The following RBFOX2 variants were observed in gnomAD, a reference collection of about 807,000 sequenced individuals.
RBFOX2 encodes RNA binding protein fox-1 homolog 2.
Under a neutral mutation model 49.1 loss-of-function variants are expected in RBFOX2, and 10 were observed. The ratio of observed to expected loss-of-function variants is 0.20; its 90% CI spans 0.13 to 0.35. The LOEUF is 0.35. RBFOX2 is among the 10% of genes least tolerant of loss of function. The pLI is 1.00. For missense variants in RBFOX2, 323 were observed against 486.9 expected, an observed-to-expected ratio of 0.66 and a Z score of 3.17; for synonymous variants, 183 against 187.4, an observed-to-expected ratio of 0.98 and a Z score of 0.19.
intron 1 of RBFOX2, chr22:35,897,447 T>TA (rs2047991890): frequency 8.3e-6 from 7 of 843,324 alleles, no homozygotes; most frequent in Middle Eastern, 2.3e-4. Context: ...CTCCACTTTA[T>TA]CCCTTGTTGT....
chr22:35,885,681 G>A (rs992321319), intron 1 of RBFOX2, among the ~76,000 whole-genome samples: 4 of 151,660 alleles, frequency 2.6e-5, no homozygotes, highest in Non-Finnish European at 2.9e-5. Context: ...TCGTTTCCCC[G>A]CATAAACAAC....
chr22:36,025,636 T>A (rs2059403351), intron 1 of RBFOX2, among the ~76,000 whole-genome samples: 1 of 152,174 alleles, frequency 6.6e-6, no homozygotes, highest in Non-Finnish European at 1.5e-5. Context: ...TCTTTAAAAA[T>A]GCACGCTTCT....
At chr22:36,017,361 T>C (rs1476456622) in intron 1 of RBFOX2, among the ~76,000 whole-genome samples, 2 of 151,960 alleles carry the variant, frequency 1.3e-5, no homozygotes, top group South Asian at 2.1e-4. Flanking sequence ...ACCCTGTCTC[T>C]ACTAAAAATA....
chr22:35,801,221 A>G (rs1404111797), intron 2 of RBFOX2, among the ~76,000 whole-genome samples: 1 of 152,196 alleles, frequency 6.6e-6, no homozygotes, highest in East Asian at 1.9e-4. Context: ...AAATCTGTAA[A>G]TAACAACGCT....
chr22:35,958,110 G>A (rs1270527498), intron 1 of RBFOX2, among the ~76,000 whole-genome samples: 1 of 151,996 alleles, frequency 6.6e-6, no homozygotes, highest in Non-Finnish European at 1.5e-5. Context: ...CCCAAAAAAA[G>A]TCATTATAGA....
rs573764550 is a variant in RBFOX2, at chr22:35,901,236, A to G, written c.-34+37611T>C. Among the ~76,000 whole-genome samples the G allele has an allele frequency of 9.2e-5, 14 of 152,340 alleles. No homozygotes were observed. In the East Asian group the frequency reaches 2.7e-3, roughly 29 times the overall value. ...TTTTTAAGACTCCAAGATCATTTCC[A>G]CTAAATCATACCTATTCACTGACAA... is the stretch of plus-strand genomic sequence containing the variant. On this transcript the variant is annotated intron_variant, in intron 1 of 13. Transcript: ENST00000359369.
chr22:35,859,977 CT>C (rs1214225918), intron 1 of RBFOX2, among the ~76,000 whole-genome samples: 1 of 152,160 alleles, frequency 6.6e-6, no homozygotes, highest in Non-Finnish European at 1.5e-5. Flanking sequence ...GGAAACATAC[CT>C]AAAAATAATT....
chr22:35,798,970 A>G (rs927617049), intron 2 of RBFOX2, among the ~76,000 whole-genome samples: 1 of 152,234 alleles, frequency 6.6e-6, no homozygotes, highest in African/African-American at 2.4e-5. Flanking sequence ...GTATTAACTC[A>G]GTATTTTTAA....
At chr22:35,767,196 T>G (rs1251899704) in intron 5 of RBFOX2, among the ~76,000 whole-genome samples, 1 of 152,056 alleles carries the variant, frequency 6.6e-6, no homozygotes, top group African/African-American at 2.4e-5. Flanking sequence ...CCAGGCGGCA[T>G]TACTCAACAG....
At chr22:35,846,981 C>T (rs181817596) in intron 1 of RBFOX2, among the ~76,000 whole-genome samples, 3 of 152,268 alleles carry the variant, frequency 2.0e-5, no homozygotes, top group Admixed American at 2.0e-4. Flanking sequence ...AAAGACAATA[C>T]CCTTAACTTG....
At chr22:35,766,075 A>G (rs568441148) in intron 5 of RBFOX2, among the ~76,000 whole-genome samples, 304 of 152,340 alleles carry the variant, frequency 2.0e-3, no homozygotes, top group Non-Finnish European at 3.2e-3. Flanking sequence ...GCTTTTAAGA[A>G]AGCCTTTAAA....
Position 35,811,426 on chromosome 22 carries a change from G to C in RBFOX2, c.28-1422C>G, listed in dbSNP as rs572055024. ...GAATGTGGATACAGACACATACAGA[G>C]GGAGGCCCATGTGAAGACACAGAGC... On this transcript the variant is annotated intron_variant, in intron 1 of 11. Transcript: ENST00000405409. 2.6e-3 allele frequency among the ~76,000 whole-genome samples: 396 copies of C among 152,240 alleles called. 4 individuals are homozygous for C. Among genetic ancestry groups the C allele is most frequent in the African/African-American group, 9.3e-3 (387 of 41,546 alleles).
At chr22:35,938,295 T>A (rs1340270156) in intron 1 of RBFOX2, among the ~76,000 whole-genome samples, 1 of 152,198 alleles carries the variant, frequency 6.6e-6, no homozygotes, top group East Asian at 1.9e-4. Context: ...GGGTGTCTCG[T>A]AGGAAGCAAT....
chr22:35,766,362 A>G (rs1327282447), intron 5 of RBFOX2, among the ~76,000 whole-genome samples: 1 of 152,232 alleles, frequency 6.6e-6, no homozygotes, highest in East Asian at 1.9e-4. Flanking sequence ...AAACATGCCA[A>G]TTGAAAAAAG....
chr22:35,965,508 G>C (rs1047586673), upstream of RBFOX2, among the ~76,000 whole-genome samples: 1 of 152,142 alleles, frequency 6.6e-6, no homozygotes, highest in Non-Finnish European at 1.5e-5. Flanking sequence ...GCTGTTAGTG[G>C]CTGAGACCCT....
intron 1 of RBFOX2, among the ~76,000 whole-genome samples, chr22:35,816,396 C>T (rs1953063939): frequency 6.6e-6 from 1 of 152,012 alleles, no homozygotes; most frequent in African/African-American, 2.4e-5. Flanking sequence ...AAGAAAGTTT[C>T]ACAATTTTGA....
chr22:35,988,092 T>C (rs1369764948), intron 1 of RBFOX2, among the ~76,000 whole-genome samples: 1 of 152,194 alleles, frequency 6.6e-6, no homozygotes, highest in African/African-American at 2.4e-5. Flanking sequence ...CTAGAGCTAC[T>C]TAACCAGTGA....
chr22:35,965,408 A>G (rs534275237), upstream of RBFOX2, among the ~76,000 whole-genome samples: 165 of 152,074 alleles, frequency 1.1e-3, no homozygotes, highest in Non-Finnish European at 1.6e-3. Flanking sequence ...AAAAGGGGGG[A>G]AAAAAATTAA....
At chr22:35,760,090 G>A in intron 8 of RBFOX2, 70 bp from the exon 10 acceptor site, 3 of 1,568,678 alleles carry the variant, frequency 1.9e-6, no homozygotes, top group Non-Finnish European at 2.6e-6. Context: ...GTCACAACTT[G>A]CTATGAACCA....
Sources: gnomAD v4.1 joint callset for allele counts (sites outside exome capture counted in the v4.1 genomes callset) on GRCh38, gnomAD v4.1.1 for gene constraint, MANE v1.5 for transcripts, NCBI Gene and HGNC (gene_info 2026-07-23, HGNC 2026-07-21) for gene names.